CLSTN2: variants seen among roughly 807,000 people sequenced by gnomAD.
CLSTN2 encodes the protein calsyntenin 2, also known as calsyntenin-2.
In CLSTN2, 48 loss-of-function variants were observed where a neutral mutation model predicts 101.2. The ratio of observed to expected loss-of-function variants is 0.47; its 90% CI spans 0.38 to 0.60. The LOEUF is 0.60. CLSTN2 is among the 20% of genes least tolerant of loss of function. The pLI is 0.00. For synonymous variants in CLSTN2, 481 were observed against 463.6 expected (o/e 1.04, Z -0.48); for missense variants, 1,160 against 1,238.2 (o/e 0.94, Z 0.95).
intron 2 of CLSTN2, among the ~76,000 whole-genome samples, chr3:140,341,088 C>T (rs1297805128): frequency 6.6e-6 from 1 of 152,228 alleles, no homozygotes; most frequent in Non-Finnish European, 1.5e-5. Context: ...CATAAAATTA[C>T]TCTCCCTGAC....
chr3:140,336,255 T>A (rs554321869), intron 2 of CLSTN2, among the ~76,000 whole-genome samples: 4 of 152,326 alleles, frequency 2.6e-5, no homozygotes, highest in Admixed American at 1.3e-4. Context: ...GTAATCCTTA[T>A]AGTAGCCATA....
At chr3:140,487,619 T>C (rs999948149) in intron 8 of CLSTN2, among the ~76,000 whole-genome samples, 1 of 152,264 alleles carries the variant, frequency 6.6e-6, no homozygotes, top group Non-Finnish European at 1.5e-5. Context: ...TAATTTCTTA[T>C]GTGTTCATGG....
intron 1 of CLSTN2, among the ~76,000 whole-genome samples, chr3:139,957,929 A>G (rs2107813219): frequency 6.6e-6 from 1 of 152,320 alleles, no homozygotes; most frequent in South Asian, 2.1e-4. Flanking sequence ...CCCTGTGTCA[A>G]ACTCATCAAA....
intron 2 of CLSTN2, among the ~76,000 whole-genome samples, chr3:140,178,975 T>C (rs2010365919): frequency 6.6e-6 from 1 of 152,186 alleles, no homozygotes; most frequent in African/African-American, 2.4e-5. Context: ...ATTTCTCTTA[T>C]CTGTCTCCCC....
intron 1 of CLSTN2, among the ~76,000 whole-genome samples, chr3:139,938,012 A>T (rs1935058780): frequency 6.6e-6 from 1 of 152,022 alleles, no homozygotes. Context: ...ATGCACTTGC[A>T]TTTTATGTTT....
rs1319929238 is a variant in CLSTN2, at chr3:140,571,338, C to A, written c.*5085C>A. 6.6e-6 allele frequency: 1 copy of A among 151,752 alleles called. No homozygotes were observed. Among genetic ancestry groups the A allele is most frequent in the Non-Finnish European group, 1.5e-5 (1 of 67,952 alleles). The allele number at this position is 151,752 out of a possible 1,614,324, so 9.4% of individuals were successfully genotyped here. ...TCTTGGCTCTATGGCTCAATATCAG[C>A]AAGAAGAAAAAAAGACAACTTTTTT... On this transcript the variant is annotated 3_prime_UTR_variant, in exon 17 of 17. Transcript: ENST00000458420.
rs1337583337 is a variant in CLSTN2, at chr3:140,577,291, T to C, written c.*11038T>C. 6.6e-6 allele frequency: 1 copy of C among 152,252 alleles called. No homozygotes were observed. The highest frequency in any genetic ancestry group is 1.5e-5 in the Non-Finnish European group (1 of 68,044). The allele number at this position is 152,252 out of a possible 1,614,324, so 9.4% of individuals were successfully genotyped here. On this transcript the variant is annotated 3_prime_UTR_variant, in exon 17 of 17. Transcript: ENST00000458420. Reference sequence around the variant, plus strand: ...CCTATTCAACACAGACAGATTTTTATTTTCAGCTGTGGCTTGTAAATGCCT... The same window carrying C: ...CCTATTCAACACAGACAGATTTTTACTTTCAGCTGTGGCTTGTAAATGCCT...
At chr3:140,471,744 A>G (rs953526304) in intron 8 of CLSTN2, among the ~76,000 whole-genome samples, 6 of 152,214 alleles carry the variant, frequency 3.9e-5, no homozygotes, top group Admixed American at 2.0e-4. Context: ...AAATAAAGTA[A>G]TAAAGGTTTA....
At chr3:140,448,435 G>A in intron 5 of CLSTN2, 84 bp from the exon 6 acceptor site, 1 of 1,184,800 alleles carries the variant, frequency 8.4e-7, no homozygotes, top group South Asian at 1.4e-5. Flanking sequence ...TAATTCGTTG[G>A]AACAAATTCA....
chr3:140,475,084 C>G (rs977721671), intron 8 of CLSTN2, among the ~76,000 whole-genome samples: 2 of 150,498 alleles, frequency 1.3e-5, no homozygotes, highest in African/African-American at 2.4e-5. Context: ...TCTGCTCTAG[C>G]TCACCCTTGT....
intron 8 of CLSTN2, among the ~76,000 whole-genome samples, chr3:140,481,621 C>T (rs1328625523): frequency 6.6e-6 from 1 of 152,194 alleles, no homozygotes; most frequent in Non-Finnish European, 1.5e-5. Flanking sequence ...TCTTTTATTT[C>T]TTTGAGCTGT....
intron 1 of CLSTN2, among the ~76,000 whole-genome samples, chr3:140,048,620 A>G (rs2007928009): frequency 6.6e-6 from 1 of 152,232 alleles, no homozygotes; most frequent in East Asian, 1.9e-4. Context: ...AAGAGAGATT[A>G]GATAGATTGC....
At chr3:140,440,290 C>T (rs2088746815) in intron 5 of CLSTN2, among the ~76,000 whole-genome samples, 1 of 152,146 alleles carries the variant, frequency 6.6e-6, no homozygotes, top group South Asian at 2.1e-4. Context: ...ATCCTTCCCC[C>T]ACTTTCATTT....
At chr3:140,403,899 C>A in intron 3 of CLSTN2, 75 bp downstream of exon 3, 1 of 1,218,356 alleles carries the variant, frequency 8.2e-7, no homozygotes. Context: ...TGCTGCTCTT[C>A]AGATATGTTT....
intron 1 of CLSTN2, among the ~76,000 whole-genome samples, chr3:139,946,270 C>T (rs1376504899): frequency 1.3e-5 from 2 of 152,212 alleles, no homozygotes; most frequent in Non-Finnish European, 2.9e-5. Flanking sequence ...TAACATGTCA[C>T]TTCATGCCTG....
intron 1 of CLSTN2, among the ~76,000 whole-genome samples, chr3:139,953,363 T>C (rs1041530192): frequency 6.6e-6 from 1 of 152,150 alleles, no homozygotes; most frequent in Admixed American, 6.5e-5. Context: ...ACACGCAATT[T>C]ACTCATGTAA....
intron 1 of CLSTN2, among the ~76,000 whole-genome samples, chr3:140,141,748 A>ACT: frequency 6.6e-6 from 1 of 152,038 alleles, no homozygotes; most frequent in East Asian, 1.9e-4. Flanking sequence ...ACATAGCATA[A>ACT]CTCTGTGCAT....
chr3:140,233,430 G>T (rs181022990), intron 2 of CLSTN2, among the ~76,000 whole-genome samples: 124 of 152,270 alleles, frequency 8.1e-4, no homozygotes, highest in Non-Finnish European at 1.5e-3. Flanking sequence ...CACTACCCTG[G>T]TTTGGTTGTA....
intron 2 of CLSTN2, among the ~76,000 whole-genome samples, chr3:140,227,309 C>T (rs897237600): frequency 6.6e-6 from 1 of 152,204 alleles, no homozygotes; most frequent in Non-Finnish European, 1.5e-5. Context: ...AGTCTGCAAT[C>T]CAGCAGGGCA....
Sources: gnomAD v4.1 joint callset for allele counts (sites outside exome capture counted in the v4.1 genomes callset) on GRCh38, gnomAD v4.1.1 for gene constraint, MANE v1.5 for transcripts, NCBI Gene and HGNC (gene_info 2026-07-23, HGNC 2026-07-21) for gene names.